SUPT3H: variants seen among roughly 807,000 people sequenced by gnomAD.
SUPT3H encodes the protein transcription initiation protein SPT3 homolog.
A neutral mutation model predicts 44.3 loss-of-function variants in SUPT3H; 44 were observed. The observed-to-expected ratio is 0.99, with a 90% CI of 0.78 to 1.28. The LOEUF (loss-of-function observed/expected upper bound fraction) is 1.28, where lower values mean the gene tolerates loss of function less well. Ranked by LOEUF, SUPT3H falls within the 50% of genes most tolerant of loss-of-function variation. The pLI is 0.00. For synonymous variants in SUPT3H, 124 were observed against 125.6 expected, an observed-to-expected ratio of 0.99 and a Z score of 0.09; for missense variants, 380 against 387.1, an observed-to-expected ratio of 0.98 and a Z score of 0.15.
At chr6:45,209,927 C>A (rs1330859548) in intron 2 of SUPT3H, among the ~76,000 whole-genome samples, 1 of 152,034 alleles carries the variant, frequency 6.6e-6, no homozygotes, top group African/African-American at 2.4e-5. Context: ...CCTCTGCCAG[C>A]AAAAAGACTA....
intron 2 of SUPT3H, among the ~76,000 whole-genome samples, chr6:45,212,433 T>C (rs960681447): frequency 6.7e-6 from 1 of 149,120 alleles, no homozygotes; most frequent in African/African-American, 2.5e-5. Flanking sequence ...TCCTGGAAAA[T>C]GCTCTCTTCC....
chr6:45,239,109 T>C (rs902261823), intron 2 of SUPT3H, among the ~76,000 whole-genome samples: 5 of 152,254 alleles, frequency 3.3e-5, no homozygotes, highest in Non-Finnish European at 7.3e-5. Flanking sequence ...TATTGACTGC[T>C]TTTAATATGC....
chr6:45,119,059 G>C (rs1801237145), intron 2 of SUPT3H, among the ~76,000 whole-genome samples: 1 of 152,156 alleles, frequency 6.6e-6, no homozygotes, highest in African/African-American at 2.4e-5. Flanking sequence ...ATAGATAACA[G>C]AGCACAGCTG....
chr6:45,256,381 T>A (rs1469404475), intron 2 of SUPT3H, among the ~76,000 whole-genome samples: 1 of 152,166 alleles, frequency 6.6e-6, no homozygotes, highest in Admixed American at 6.5e-5. Context: ...TGATGATTTC[T>A]CTGTTTCCTC....
chr6:44,848,524 G>A (rs1343021542), intron 10 of SUPT3H, among the ~76,000 whole-genome samples: 1 of 152,134 alleles, frequency 6.6e-6, no homozygotes, highest in Non-Finnish European at 1.5e-5. Context: ...TTAAATCTCT[G>A]TTGTCTTTAT....
At chr6:44,885,932 G>T (rs542002790) in intron 10 of SUPT3H, among the ~76,000 whole-genome samples, 108 of 152,284 alleles carry the variant, frequency 7.1e-4, no homozygotes, top group African/African-American at 2.6e-3. Flanking sequence ...GGAGCTGATG[G>T]AGCTGAAAGC....
chr6:44,974,128 G>C (rs1360795182), intron 6 of SUPT3H, among the ~76,000 whole-genome samples: 1 of 152,110 alleles, frequency 6.6e-6, no homozygotes, highest in Non-Finnish European at 1.5e-5. Flanking sequence ...TTACTCTAAA[G>C]TTTATGCTCT....
At chr6:45,034,564 A>C (rs1787406449) in intron 3 of SUPT3H, among the ~76,000 whole-genome samples, 1 of 152,212 alleles carries the variant, frequency 6.6e-6, no homozygotes, top group Admixed American at 6.5e-5. Context: ...AAAAACATAA[A>C]TGGTGGGAGG....
intron 2 of SUPT3H, among the ~76,000 whole-genome samples, chr6:45,353,023 A>C (rs1387022019): frequency 2.0e-5 from 3 of 152,120 alleles, no homozygotes; most frequent in Non-Finnish European, 1.5e-5. Context: ...CAAATATTAA[A>C]GAAAACTGAG....
rs1789553162 is a variant in SUPT3H, at chr6:45,047,289, T to TGAA, written c.187-26660_187-26658dup. Reference sequence around the variant, plus strand: ...CCTTGCCTTGTTCTCATTCTTAAGGTGAAGGCATTCAGTCTTGAGCTTTAC... The same window carrying TGAA: ...CCTTGCCTTGTTCTCATTCTTAAGGTGAAGAAGGCATTCAGTCTTGAGCTTTAC... On this transcript the variant is annotated intron_variant, in intron 3 of 10. Coordinates refer to ENST00000371459, the MANE Select transcript of SUPT3H (RefSeq NM_003599.4). Among the ~76,000 whole-genome samples, 4 of 152,314 alleles carry TGAA rather than the reference T, an allele frequency of 2.6e-5. No homozygotes were observed. The South Asian group carries it at 8.3e-4, about 32-fold the overall frequency.
chr6:45,226,900 T>C (rs181709428), intron 2 of SUPT3H, among the ~76,000 whole-genome samples: 36 of 152,098 alleles, frequency 2.4e-4, no homozygotes, highest in African/African-American at 8.7e-4. Flanking sequence ...CTAGGGAGGC[T>C]GAGGTGGGGG....
At chr6:45,311,874 C>T (rs1406696915) in intron 2 of SUPT3H, among the ~76,000 whole-genome samples, 1 of 152,080 alleles carries the variant, frequency 6.6e-6, no homozygotes, top group Non-Finnish European at 1.5e-5. Flanking sequence ...GCATAAAGCA[C>T]ACACGACCTA....
chr6:45,021,355 T>C (rs1013526491), intron 3 of SUPT3H, among the ~76,000 whole-genome samples: 1 of 151,886 alleles, frequency 6.6e-6, no homozygotes, highest in Admixed American at 6.6e-5. Flanking sequence ...TAATCTTACT[T>C]AAAAATGACA....
chr6:44,876,836 G>GAAAAAAAAAAAAAA (rs200454659), intron 10 of SUPT3H, among the ~76,000 whole-genome samples: 1 of 92,238 alleles, frequency 1.1e-5, no homozygotes, highest in Non-Finnish European at 2.1e-5. Context: ...ATCTTCAATT[G>GAAAAAAAAAAAAAA]AAAAAAAAAA....
chr6:45,283,651 C>A, intron 2 of SUPT3H, among the ~76,000 whole-genome samples: 1 of 151,656 alleles, frequency 6.6e-6, no homozygotes, highest in East Asian at 1.9e-4. Flanking sequence ...ACTTTAACAC[C>A]CCACTGTCAA....
chr6:44,817,307 C>T (rs529406964), intron 11 of SUPT3H, among the ~76,000 whole-genome samples: 41 of 150,348 alleles, frequency 2.7e-4, no homozygotes, highest in South Asian at 1.9e-3. Flanking sequence ...TAAAAACACT[C>T]GGCAAAAAAG....
intron 2 of SUPT3H, among the ~76,000 whole-genome samples, chr6:45,288,848 A>G (rs1009692596): frequency 3.2e-4 from 48 of 151,974 alleles, no homozygotes; most frequent in Admixed American, 9.8e-4. Flanking sequence ...CTTTTTGCCC[A>G]TCCTCTGTCC....
intron 6 of SUPT3H, among the ~76,000 whole-genome samples, chr6:44,979,545 G>A (rs866488790): frequency 6.6e-6 from 1 of 151,792 alleles, no homozygotes; most frequent in Admixed American, 6.6e-5. Flanking sequence ...GTGTGTGTGG[G>A]GGGGGGAAAT....
intron 5 of SUPT3H, among the ~76,000 whole-genome samples, chr6:45,004,360 A>C (rs1273919770): frequency 2.0e-5 from 3 of 152,050 alleles, no homozygotes; most frequent in Non-Finnish European, 4.4e-5. Context: ...AAAAAGCACA[A>C]TTATTGTGAG....
Sources: allele counts gnomAD v4.1 joint callset (sites outside exome capture counted in the v4.1 genomes callset), GRCh38; gene constraint gnomAD v4.1.1; transcripts MANE v1.5; gene names NCBI Gene and HGNC (gene_info 2026-07-23, HGNC 2026-07-21).